Variants in PREX2 observed in about 807,000 individuals in gnomAD.
PREX2 encodes phosphatidylinositol-3,4,5-trisphosphate dependent Rac exchange factor 2.
In PREX2, 107 loss-of-function variants were observed where a neutral mutation model predicts 203.2. The ratio of observed to expected loss-of-function variants is 0.53; its 90% CI spans 0.45 to 0.62. PREX2 has a LOEUF of 0.62. Ranked by LOEUF, PREX2 falls within the 20% of genes least tolerant of loss-of-function variation. PREX2 has a pLI of 0.00. For missense variants in PREX2, 1,777 were observed against 1,955.9 expected, an observed-to-expected ratio of 0.91 and a Z score of 1.72; for synonymous variants, 672 against 663.6, an observed-to-expected ratio of 1.01 and a Z score of -0.19.
rs868836835 is a variant in PREX2 at position 68,234,551 on chromosome 8, T to C, written c.*3173T>C. Reference sequence around the variant, plus strand: ...TAATGTGATATTAAAGTATGAAAAATTTGAGAAGATTAGAATTTTACATGT... The same window carrying C: ...TAATGTGATATTAAAGTATGAAAAACTTGAGAAGATTAGAATTTTACATGT... On this transcript the variant is annotated 3_prime_UTR_variant, in exon 40 of 40. Transcript: ENST00000288368. 1 of 152,164 alleles carries C rather than the reference T, an allele frequency of 6.6e-6. No homozygotes were observed. Among genetic ancestry groups the C allele is most frequent in the Non-Finnish European group, 1.5e-5 (1 of 68,018 alleles). 9.4% of individuals were successfully genotyped at this position (152,164 alleles called of 1,614,324 possible).
At chr8:68,056,122 G>A (rs1414955717) in intron 10 of PREX2, 148 bp downstream of exon 10, 2 of 724,644 alleles carry the variant, frequency 2.8e-6, no homozygotes, top group Non-Finnish European at 4.5e-6. Context: ...GGCGGTAGCA[G>A]GATGAAGGAA....
chr8:68,108,247 A>T lies in PREX2; in HGVS notation c.2854A>T (p.Thr952Ser), dbSNP rs1292060270. Reference sequence around the variant, plus strand: ...GGAAGTTTCTTATCCCAAAACATCAACCTCTTTGGGAAGTGCATTTGGTGT... The same window carrying T: ...GGAAGTTTCTTATCCCAAAACATCATCCTCTTTGGGAAGTGCATTTGGTGT... ...VMEVSYPKTSTSLGSAFGVQL... is the reference protein window; with the variant it reads ...VMEVSYPKTSSSLGSAFGVQL... The change falls in exon 24 of 40, where the codon ACC becomes TCC. Residue 952 changes from threonine to serine, a missense_variant. Coordinates refer to ENST00000288368, the MANE Select transcript of PREX2 (RefSeq NM_024870.4). The T allele has an allele frequency of 6.2e-7, 1 of 1,613,900 alleles. No individual in the cohort carries two copies. Among genetic ancestry groups the T allele is most frequent in the Non-Finnish European group, 8.5e-7 (1 of 1,179,822 alleles).
At position 68,021,926 on chromosome 8, in the gene PREX2, G is replaced by C. The variant is rs1057226715; in HGVS notation, c.337-110G>C. 4.7e-6 allele frequency: 3 copies of C among 635,058 alleles called. No individual in the cohort carries two copies. The African/African-American group carries it at 5.5e-5, about 12-fold the overall frequency. 39.3% of individuals were successfully genotyped at this position (635,058 alleles called of 1,614,324 possible). A position where few individuals can be genotyped will look rare whatever the true frequency, so the allele number is the denominator to read the frequency against. On this transcript the variant is annotated intron_variant, in intron 3 of 39. Transcript: ENST00000288368. ...TATATAGCTGTATACACGCAGTATA[G>C]CTCTTAAAACGTAGTAAACACTCAG...
chr8:68,162,801 G>T (rs1442773325), intron 35 of PREX2, among the ~76,000 whole-genome samples: 2 of 152,150 alleles, frequency 1.3e-5, no homozygotes, highest in Admixed American at 1.3e-4. Flanking sequence ...CTTGTCCCCA[G>T]ACCTCACTGT....
At chr8:68,128,390 T>C (rs1447462711) in intron 31 of PREX2, among the ~76,000 whole-genome samples, 1 of 152,196 alleles carries the variant, frequency 6.6e-6, no homozygotes, top group Non-Finnish European at 1.5e-5. Flanking sequence ...CCCCAAACTT[T>C]CTGGCATAAA....
chr8:67,985,374 C>T (rs1340513849), intron 1 of PREX2, among the ~76,000 whole-genome samples: 2 of 152,082 alleles, frequency 1.3e-5, no homozygotes, highest in Non-Finnish European at 2.9e-5. Context: ...TATTTAATTT[C>T]AATGACCATA....
rs755438374 is a variant in PREX2 at position 68,097,220 on chromosome 8, A to T, written c.2553+19A>T. ...TGCCAAGGTAGGAGCGATGCTGAAG[A>T]AATAAGATTTTTTGTTCTAAATAAA... On this transcript the variant is annotated intron_variant, in intron 22 of 39. Coordinates refer to ENST00000288368, the MANE Select transcript of PREX2 (RefSeq NM_024870.4). 6.3e-7 allele frequency: 1 copy of T among 1,579,044 alleles called. No homozygotes were observed. The highest frequency in any genetic ancestry group is 1.8e-5 in the Admixed American group (1 of 54,402).
intron 6 of PREX2, among the ~76,000 whole-genome samples, chr8:68,031,601 C>G (rs1807882926): frequency 6.6e-6 from 1 of 152,146 alleles, no homozygotes; most frequent in Admixed American, 6.6e-5. Context: ...TTCCGTTTGT[C>G]CCTTCTCTCC....
intron 1 of PREX2, among the ~76,000 whole-genome samples, chr8:67,967,531 C>T (rs769402229): frequency 2.6e-5 from 4 of 152,188 alleles, no homozygotes; most frequent in Non-Finnish European, 4.4e-5. Flanking sequence ...TGGATGGGAA[C>T]CCAGCACGCT....
Position 68,235,400 on chromosome 8 carries a change from T to G in PREX2, c.*4022T>G, listed in dbSNP as rs140283929. 7.2e-5 allele frequency: 11 copies of G among 152,338 alleles called. No homozygotes were observed. Among genetic ancestry groups the G allele is most frequent in the African/African-American group, 2.6e-4 (11 of 41,578 alleles). 9.4% of individuals were successfully genotyped at this position (152,338 alleles called of 1,614,324 possible). ...AAAGACATTGTTATGTGAATTATCT[T>G]ACTAAATTATCACTTAAGAACTCTC... On this transcript the variant is annotated 3_prime_UTR_variant, in exon 40 of 40. Coordinates refer to ENST00000288368, the MANE Select transcript of PREX2 (RefSeq NM_024870.4).
At chr8:68,105,696 TATATGG>T in intron 23 of PREX2, 2 of 232,360 alleles carry the variant, frequency 8.6e-6, no homozygotes, top group Non-Finnish European at 1.3e-5. Context: ...TATATATATA[TATATGG>T]ATATATATAC....
chr8:68,044,454 A>T, intron 7 of PREX2, 33 bp from the exon 8 acceptor site: 1 of 1,455,050 alleles, frequency 6.9e-7, no homozygotes. Flanking sequence ...ATTGTTTAGT[A>T]ACAAAGTCTT....
intron 32 of PREX2, among the ~76,000 whole-genome samples, chr8:68,134,720 T>C (rs1306351226): frequency 6.6e-6 from 1 of 152,242 alleles, no homozygotes; most frequent in Non-Finnish European, 1.5e-5. Context: ...TGACAATCTG[T>C]TTAAAATTTG....
intron 23 of PREX2, among the ~76,000 whole-genome samples, chr8:68,107,742 T>G (rs1810446924): frequency 6.6e-6 from 1 of 152,170 alleles, no homozygotes; most frequent in Admixed American, 6.5e-5. Context: ...TTGGAAGATC[T>G]CCATTCTCTC....
chr8:67,972,512 C>G (rs868061340), intron 1 of PREX2, among the ~76,000 whole-genome samples: 15 of 152,226 alleles, frequency 9.9e-5, no homozygotes, highest in Middle Eastern at 3.4e-3. Flanking sequence ...CTTTCAGACC[C>G]TTTTTTTAAG....
intron 2 of PREX2, among the ~76,000 whole-genome samples, chr8:68,018,422 G>A (rs1807467629): frequency 6.6e-6 from 1 of 152,010 alleles, no homozygotes; most frequent in Admixed American, 6.6e-5. Flanking sequence ...AGCTGAGATG[G>A]CGCCATTGCA....
chr8:68,027,519 A>G (rs924276643), intron 5 of PREX2, among the ~76,000 whole-genome samples, 196 bp downstream of exon 5: 1 of 152,106 alleles, frequency 6.6e-6, no homozygotes, highest in South Asian at 2.1e-4. Flanking sequence ...AGCCACTGAA[A>G]GAGCTTTTGG....
chr8:67,990,495 T>G (rs1046436947), intron 1 of PREX2, among the ~76,000 whole-genome samples: 1 of 143,422 alleles, frequency 7.0e-6, no homozygotes, highest in Non-Finnish European at 1.5e-5. Flanking sequence ...TGCTCCCAGG[T>G]GGTTTTTTTT....
intron 18 of PREX2, among the ~76,000 whole-genome samples, chr8:68,084,201 T>C (rs1340951437): frequency 6.6e-6 from 1 of 152,146 alleles, no homozygotes; most frequent in Non-Finnish European, 1.5e-5. Context: ...AACCACTTAA[T>C]TAATTGAGAT....
Sources: gnomAD v4.1 joint callset for allele counts (sites outside exome capture counted in the v4.1 genomes callset) on GRCh38, gnomAD v4.1.1 for gene constraint, MANE v1.5 for transcripts, NCBI Gene and HGNC (gene_info 2026-07-23, HGNC 2026-07-21) for gene names.